Variants in GRM5 observed in about 807,000 individuals in gnomAD.
GRM5 encodes the protein metabotropic glutamate receptor 5.
In GRM5, 19 loss-of-function variants were observed where a neutral mutation model predicts 83.1. The ratio of observed to expected loss-of-function variants is 0.23; its 90% CI spans 0.16 to 0.34. The LOEUF (loss-of-function observed/expected upper bound fraction) is 0.34, where lower values mean the gene tolerates loss of function less well. GRM5 is among the 10% of genes least tolerant of loss of function. The probability of loss-of-function intolerance (pLI) is 1.00; values close to 1 mark genes in which losing one functional copy is unlikely to be tolerated. For missense variants in GRM5, 1,160 were observed against 1,588.3 expected, an observed-to-expected ratio of 0.73 and a Z score of 4.58; for synonymous variants, 675 against 633.6, an observed-to-expected ratio of 1.07 and a Z score of -0.98.
intron 3 of GRM5, among the ~76,000 whole-genome samples, chr11:88,720,821 C>CGCGTGTGTGT (rs1179283685): frequency 4.4e-5 from 6 of 137,148 alleles, no homozygotes; most frequent in African/African-American, 1.6e-4. Flanking sequence ...TGTGTGTGTG[C>CGCGTGTGTGT]GTGTGTGTGT....
intron 2 of GRM5, among the ~76,000 whole-genome samples, chr11:88,928,041 C>G (rs1945818681): frequency 6.6e-6 from 1 of 151,956 alleles, no homozygotes; most frequent in Non-Finnish European, 1.5e-5. Context: ...GTGTTATTAC[C>G]AGGGGCTCAT....
At chr11:88,549,027 A>C (rs900635916) in intron 8 of GRM5, among the ~76,000 whole-genome samples, 3 of 152,224 alleles carry the variant, frequency 2.0e-5, no homozygotes, top group South Asian at 2.1e-4. Flanking sequence ...GTTTTATAGG[A>C]GATCTAGAGA....
At chr11:88,837,793 A>G (rs1448894744) in intron 3 of GRM5, among the ~76,000 whole-genome samples, 2 of 152,164 alleles carry the variant, frequency 1.3e-5, no homozygotes, top group East Asian at 1.9e-4. Flanking sequence ...TTAAAGACAT[A>G]AGTTACGTCG....
At chr11:88,906,041 A>G (rs1470539897) in intron 2 of GRM5, among the ~76,000 whole-genome samples, 3 of 152,170 alleles carry the variant, frequency 2.0e-5, no homozygotes, top group African/African-American at 4.8e-5. Context: ...GTACCCTTAA[A>G]TTTACTTAGT....
chr11:88,576,639 T>G (rs559753237), intron 7 of GRM5, among the ~76,000 whole-genome samples: 1 of 152,284 alleles, frequency 6.6e-6, no homozygotes, highest in South Asian at 2.1e-4. Flanking sequence ...TTATCTATAA[T>G]TAGGGTTTTA....
chr11:88,961,386 A>G (rs1350872819), intron 2 of GRM5, among the ~76,000 whole-genome samples: 2 of 149,844 alleles, frequency 1.3e-5, no homozygotes, highest in Non-Finnish European at 3.0e-5. Context: ...TGCTTGTTTT[A>G]AAAACACTGG....
chr11:88,856,779 T>G (rs1399536682), intron 2 of GRM5, among the ~76,000 whole-genome samples: 1 of 152,016 alleles, frequency 6.6e-6, no homozygotes, highest in Non-Finnish European at 1.5e-5. Context: ...ATGACATCAC[T>G]AGATGAGAGG....
intron 4 of GRM5, 73 bp from the exon 5 acceptor site, chr11:88,605,037 T>C: frequency 8.2e-7 from 1 of 1,222,288 alleles, no homozygotes; most frequent in Non-Finnish European, 1.2e-6. Context: ...TACTGAATAA[T>C]GGGTTACCTG....
chr11:88,976,844 T>C (rs1939355020), intron 2 of GRM5, among the ~76,000 whole-genome samples: 1 of 136,876 alleles, frequency 7.3e-6, no homozygotes, highest in African/African-American at 2.6e-5. Flanking sequence ...TTCCTCCAAC[T>C]CTTTTCTATA....
At chr11:88,879,618 T>C (rs1944918069) in intron 2 of GRM5, among the ~76,000 whole-genome samples, 1 of 152,020 alleles carries the variant, frequency 6.6e-6, no homozygotes, top group South Asian at 2.1e-4. Flanking sequence ...ATGTCAGCCA[T>C]ATGTTTCCAA....
At chr11:88,717,020 T>A (rs1328281861) in intron 3 of GRM5, among the ~76,000 whole-genome samples, 1 of 151,978 alleles carries the variant, frequency 6.6e-6, no homozygotes, top group South Asian at 2.1e-4. Flanking sequence ...TGCTTGTACT[T>A]CCAATGGCTT....
chr11:88,738,226 A>G (rs1256429836), intron 3 of GRM5, among the ~76,000 whole-genome samples: 2 of 152,068 alleles, frequency 1.3e-5, no homozygotes, highest in Non-Finnish European at 2.9e-5. Flanking sequence ...AAAAGATTAT[A>G]TAAACTGGTA....
In GRM5 at chr11:88,882,244, G is replaced by GTAAATAAATAAA. The variant is rs142671487; in HGVS notation, c.662-32090_662-32089insTTTATTTATTTA. Among the ~76,000 whole-genome samples, 169 of 33,106 alleles carry GTAAATAAATAAA rather than the reference G, an allele frequency of 5.1e-3. 1 individual carries two copies. Among genetic ancestry groups the GTAAATAAATAAA allele is most frequent in the African/African-American group, 0.022 (129 of 5,896 alleles). The allele number at this position is 33,106 out of a possible 152,430, so 21.7% of individuals were successfully genotyped here. A position where few individuals can be genotyped will look rare whatever the true frequency, so the allele number is the denominator to read the frequency against. On this transcript the variant is annotated intron_variant, in intron 2 of 9. Transcript: ENST00000305447. ...AGAGTGACACTCTGAATCAAAATAA[G>GTAAATAAATAAA]TAAGTAAATAAATAAATAAATAAAT...
chr11:88,633,826 T>C (rs935609539), intron 4 of GRM5, among the ~76,000 whole-genome samples: 2 of 152,190 alleles, frequency 1.3e-5, no homozygotes. Flanking sequence ...TAGCTAAAAT[T>C]AATTTTTAGT....
Position 88,567,494 on chromosome 11 carries a change from T to C in GRM5, c.2189A>G (p.Tyr730Cys). Reference protein sequence around the residue: ...MHDYPSIREVYLICNTTNLGV... With the variant: ...MHDYPSIREVCLICNTTNLGV... The stretch of plus-strand genomic sequence containing the variant: ...TAGGTTGGTGGTGTTACAGATCAGG[T>C]AGACTTCTCGAATGCTTGGGTAGTC... Residue 730 changes from tyrosine to cysteine, a missense_variant, in exon 8 of 10, where the codon TAC (tyrosine) becomes TGC (cysteine). Tyr to Cys is a radical substitution (Grantham distance 194). Around this residue, in one of 9 missense-constraint regions of GRM5, gnomAD observed 44 missense variants for 41.0 expected, o/e 1.07. Coordinates refer to ENST00000305447, the MANE Select transcript of GRM5 (RefSeq NM_001143831.3). The surrounding 1 kb of genome is among the most constrained non-coding windows in gnomAD (Gnocchi z 7.3). The C allele has an allele frequency of 6.2e-7, 1 of 1,614,054 alleles. No individual in the cohort carries two copies. Among genetic ancestry groups the C allele is most frequent in the Non-Finnish European group, 8.5e-7 (1 of 1,179,920 alleles).
At chr11:88,922,999 A>G (rs1945719732) in intron 2 of GRM5, among the ~76,000 whole-genome samples, 1 of 152,006 alleles carries the variant, frequency 6.6e-6, no homozygotes, top group Non-Finnish European at 1.5e-5. Flanking sequence ...TGATCATCAG[A>G]GAAATGTGAA....
chr11:88,737,366 C>T (rs1373103594), intron 3 of GRM5, among the ~76,000 whole-genome samples: 1 of 151,972 alleles, frequency 6.6e-6, no homozygotes, highest in Non-Finnish European at 1.5e-5. Flanking sequence ...CTCTGGGAGG[C>T]TTGGTGCTTT....
At chr11:88,658,603 T>A (rs1302343322) in intron 3 of GRM5, among the ~76,000 whole-genome samples, 1 of 152,122 alleles carries the variant, frequency 6.6e-6, no homozygotes, top group Non-Finnish European at 1.5e-5. Context: ...TACAAATGAT[T>A]ATTATGGGCA....
intron 9 of GRM5, among the ~76,000 whole-genome samples, chr11:88,516,941 T>A (rs968545120): frequency 6.6e-6 from 1 of 151,992 alleles, no homozygotes; most frequent in Non-Finnish European, 1.5e-5. Flanking sequence ...AAAAATTAAT[T>A]GGGTAGGTTA....
Sources: gnomAD v4.1 joint callset for allele counts (sites outside exome capture counted in the v4.1 genomes callset) on GRCh38, gnomAD v4.1.1 for gene constraint, gnomAD v4.1.1 regional missense constraint, Gnocchi (gnomAD v3.1) non-coding constraint, MANE v1.5 for transcripts, NCBI Gene and HGNC (gene_info 2026-07-23, HGNC 2026-07-21) for gene names.